SELENOT: variants seen among roughly 807,000 people sequenced by gnomAD.
The protein encoded by SELENOT is selenoprotein T.
Under a neutral mutation model 24.3 loss-of-function variants are expected in SELENOT, and 9 were observed. That is an observed-to-expected ratio of 0.37 (90% confidence interval 0.22 to 0.65). SELENOT has a LOEUF of 0.65. Among genes scored for constraint, SELENOT ranks in the 30% least tolerant of loss-of-function variants. SELENOT has a pLI of 0.60. For synonymous variants in SELENOT, 81 were observed against 86.0 expected (o/e 0.94, Z 0.32); for missense variants, 166 against 247.6 (o/e 0.67, Z 2.21).
intron 1 of SELENOT, among the ~76,000 whole-genome samples, chr3:150,616,896 G>A (rs1366477690): frequency 2.0e-5 from 3 of 152,180 alleles, no homozygotes; most frequent in Non-Finnish European, 4.4e-5. Context: ...CTCCTGCCTT[G>A]GCCTCCCAAA....
At chr3:150,627,594 C>T (rs1186411194) in intron 5 of SELENOT, 65 bp from the exon 6 acceptor site, 63 of 153,052 alleles carry the variant, frequency 4.1e-4, no homozygotes, top group Non-Finnish European at 1.2e-4. Context: ...AATGAATTCA[C>T]TTTCTAAAGA....
chr3:150,605,109 G>C (rs1197142690), intron 1 of SELENOT, among the ~76,000 whole-genome samples: 1 of 150,308 alleles, frequency 6.7e-6, no homozygotes, highest in Non-Finnish European at 1.5e-5. Context: ...ATGTAATACT[G>C]CAAATGGGAG....
At chr3:150,624,767 C>CA (rs1726405626) in intron 3 of SELENOT, 45 bp from the exon 4 acceptor site, 2 of 1,233,954 alleles carry the variant, frequency 1.6e-6, no homozygotes, top group Non-Finnish European at 1.1e-6. Context: ...AGAGCATTTA[C>CA]CAAACATGAC....
rs1224070445 is a variant in SELENOT at position 150,629,649 on chromosome 3, T to A, written c.*2020T>A. 6.6e-6 allele frequency: 1 copy of A among 152,628 alleles called. No individual in the cohort carries two copies. The highest frequency in any genetic ancestry group is 2.4e-5 in the African/African-American group (1 of 41,454). The allele number at this position is 152,628 out of a possible 1,614,324, so 9.5% of individuals were successfully genotyped here. Reference sequence around the variant, plus strand: ...GCCTTGGGTTGAATAACTTATCTTTTGGAGAATAGCTTTAAGTGGCTTAGA... The same window carrying A: ...GCCTTGGGTTGAATAACTTATCTTTAGGAGAATAGCTTTAAGTGGCTTAGA... On this transcript the variant is annotated 3_prime_UTR_variant, in exon 6 of 6. Coordinates refer to ENST00000471696, the MANE Select transcript of SELENOT (RefSeq NM_016275.5).
At chr3:150,622,337 T>A (rs1324706863) in intron 1 of SELENOT, 48 bp from the exon 2 acceptor site, 11 of 910,612 alleles carry the variant, frequency 1.2e-5, no homozygotes, top group Non-Finnish European at 1.7e-5. Flanking sequence ...ACAAAATAAA[T>A]CTAGATGTAT....
At chr3:150,613,953 G>A (rs1726155511) in intron 1 of SELENOT, among the ~76,000 whole-genome samples, 1 of 134,938 alleles carries the variant, frequency 7.4e-6, no homozygotes, top group African/African-American at 2.5e-5. Context: ...CTGGCCACAG[G>A]AGAAAGCACA....
In SELENOT at chr3:150,630,162, C is replaced by A. The variant is rs932710275; in HGVS notation, c.*2533C>A. Reference sequence around the variant, plus strand: ...ACTATTAATGACAGGAGTCAATCAGCCTTTACAGCTATCAAAATATAATGA... The same window carrying A: ...ACTATTAATGACAGGAGTCAATCAGACTTTACAGCTATCAAAATATAATGA... On this transcript the variant is annotated 3_prime_UTR_variant, in exon 6 of 6. Coordinates refer to ENST00000471696, the MANE Select transcript of SELENOT (RefSeq NM_016275.5). 7 of 152,138 alleles carry A rather than the reference C, an allele frequency of 4.6e-5. No homozygotes were observed. The highest frequency in any genetic ancestry group is 1.7e-4 in the African/African-American group (7 of 41,418). 9.4% of individuals were successfully genotyped at this position (152,138 alleles called of 1,614,324 possible). A position where few individuals can be genotyped will look rare whatever the true frequency, so the allele number is the denominator to read the frequency against.
chr3:150,607,416 G>A (rs922856539), intron 1 of SELENOT, among the ~76,000 whole-genome samples: 11 of 152,360 alleles, frequency 7.2e-5, no homozygotes, highest in African/African-American at 2.6e-4. Flanking sequence ...CAGAGATCAT[G>A]TTGGTTACTG....
intron 1 of SELENOT, among the ~76,000 whole-genome samples, chr3:150,604,038 G>A (rs1425152086): frequency 5.3e-5 from 8 of 152,238 alleles, no homozygotes; most frequent in South Asian, 2.1e-4. Flanking sequence ...GGACTGTTGA[G>A]TTTGCGAATG....
intron 1 of SELENOT, 22 bp from the exon 2 acceptor site, chr3:150,622,363 G>A (rs536136546): frequency 9.0e-6 from 11 of 1,223,380 alleles, no homozygotes; most frequent in South Asian, 7.7e-5. Flanking sequence ...ATGACTTAAT[G>A]GAAACACTTA....
chr3:150,617,838 T>TGTTTGGTTTG (rs71138460), intron 1 of SELENOT, among the ~76,000 whole-genome samples: 101,184 of 150,776 alleles, frequency 0.67, 34,705 homozygotes, highest in East Asian at 1. Context: ...CAACTGTTTT[T>TGTTTGGTTTG]GTTTGGTTTG....
chr3:150,625,485 C>T (rs1469875380), intron 4 of SELENOT, among the ~76,000 whole-genome samples: 4 of 152,114 alleles, frequency 2.6e-5, no homozygotes, highest in African/African-American at 9.7e-5. Context: ...CTCAGTTCCA[C>T]CTCCTAAATT....
chr3:150,611,675 G>T, intron 1 of SELENOT: 1 of 1,602,220 alleles, frequency 6.2e-7, no homozygotes, highest in Non-Finnish European at 8.5e-7. Flanking sequence ...AGCTGGCGTT[G>T]CCTGCTGCCC....
intron 1 of SELENOT, among the ~76,000 whole-genome samples, chr3:150,621,172 G>A (rs1253216760): frequency 1.3e-5 from 2 of 152,082 alleles, no homozygotes; most frequent in African/African-American, 2.4e-5. Context: ...ATCTCTTTGC[G>A]AAATATTTAG....
At position 150,614,541 on chromosome 3, in the gene SELENOT, G is replaced by A. The variant is rs1275820976; in HGVS notation, c.138-7844G>A. On this transcript the variant is annotated intron_variant, in intron 1 of 5. Coordinates refer to ENST00000471696, the MANE Select transcript of SELENOT (RefSeq NM_016275.5). ...TCTAAGATTTTTATTTAGTGACAGA[G>A]CTAGAACTAGGATCCAGGGTTTCTC... 1.9e-5 allele frequency: 3 copies of A among 154,580 alleles called. No homozygotes were observed. The East Asian group carries it at 5.8e-4, about 30-fold the overall frequency. 9.6% of individuals were successfully genotyped at this position (154,580 alleles called of 1,614,324 possible). A position where few individuals can be genotyped will look rare whatever the true frequency, so the allele number is the denominator to read the frequency against.
At chr3:150,612,796 A>C (rs1485962016) in intron 1 of SELENOT, among the ~76,000 whole-genome samples, 1 of 152,254 alleles carries the variant, frequency 6.6e-6, no homozygotes, top group Non-Finnish European at 1.5e-5. Flanking sequence ...TATATTCTGC[A>C]CTAACTTCCA....
In SELENOT at chr3:150,612,334, T is replaced by C. The variant is rs545603911; in HGVS notation, c.137+8835T>C. 1.1e-4 allele frequency among the ~76,000 whole-genome samples: 16 copies of C among 152,190 alleles called. No individual in the cohort carries two copies. The South Asian group carries it at 3.1e-3, about 30-fold the overall frequency. ...TCTCAAACTCCTGACCCTAAGTGATTGGCCCTCCTCGGCCTCCCAAAGTGC... is the reference window on the plus strand; with the variant it reads ...TCTCAAACTCCTGACCCTAAGTGATCGGCCCTCCTCGGCCTCCCAAAGTGC... On this transcript the variant is annotated intron_variant, in intron 1 of 5. Coordinates refer to ENST00000471696, the MANE Select transcript of SELENOT (RefSeq NM_016275.5).
intron 1 of SELENOT, among the ~76,000 whole-genome samples, chr3:150,604,444 A>G (rs545442850): frequency 7.9e-5 from 12 of 152,348 alleles, no homozygotes; most frequent in African/African-American, 2.4e-4. Flanking sequence ...ACATTTTCTC[A>G]GGATAAACCG....
chr3:150,607,398 G>C (rs1725989899), intron 1 of SELENOT, among the ~76,000 whole-genome samples: 1 of 152,216 alleles, frequency 6.6e-6, no homozygotes, highest in Non-Finnish European at 1.5e-5. Context: ...TGGAGAAATT[G>C]TGAGTTACAG....
Sources: gnomAD v4.1 joint callset for allele counts (sites outside exome capture counted in the v4.1 genomes callset) on GRCh38, gnomAD v4.1.1 for gene constraint, MANE v1.5 for transcripts, NCBI Gene and HGNC (gene_info 2026-07-23, HGNC 2026-07-21) for gene names.